CHD5: variants seen among roughly 807,000 people sequenced by gnomAD.
CHD5 encodes the protein ATP-dependent chromatin remodeler CHD5.
CHD5 carries 69 observed loss-of-function variants against 230.3 expected under a neutral mutation model. The ratio of observed to expected loss-of-function variants is 0.30; its 90% CI spans 0.25 to 0.37. The LOEUF is 0.37. Ranked by LOEUF, CHD5 falls within the 10% of genes least tolerant of loss-of-function variation. The pLI, the probability that CHD5 is intolerant of heterozygous loss-of-function variation, is 1.00. For missense variants in CHD5, 1,827 were observed against 2,622.8 expected, an observed-to-expected ratio of 0.70 and a Z score of 6.63; for synonymous variants, 1,064 against 1,065.9, an observed-to-expected ratio of 1.00 and a Z score of 0.03.
chr1:6,114,505 TAAAC>T (rs1666344635), intron 33 of CHD5, among the ~76,000 whole-genome samples: 1 of 126,788 alleles, frequency 7.9e-6, no homozygotes, highest in Non-Finnish European at 1.7e-5. Flanking sequence ...TATATACACA[TAAAC>T]ACACACACAC....
In CHD5 at chr1:6,112,152, C is replaced by T. The variant is rs769117837; in HGVS notation, c.5128G>A (p.Gly1710Arg). ...CCAACCCCAATACCCGTGAAGCCCC[C>T]GTCCGCGATGTTGAACATGAACTTG... Reference protein sequence around the residue: ...KFKFMFNIADGGFTELHTLWQ... With the variant: ...KFKFMFNIADRGFTELHTLWQ... Residue 1710 changes from glycine (G) to arginine (R), a missense_variant, in exon 35 of 42, where the codon GGG (glycine) becomes AGG (arginine). This residue lies in a region of CHD5 where 272 missense variants were observed against 263.2 expected (regional missense o/e 1.03). Transcript: ENST00000262450. 7 of 1,613,888 alleles carry T rather than the reference C, an allele frequency of 4.3e-6. No individual in the cohort carries two copies. Among genetic ancestry groups the T allele is most frequent in the Non-Finnish European group, 5.9e-6 (7 of 1,179,864 alleles).
At chr1:6,136,365 A>T in intron 17 of CHD5, 152 bp downstream of exon 17, 1 of 831,362 alleles carries the variant, frequency 1.2e-6, no homozygotes, top group Non-Finnish European at 1.9e-6. Context: ...CTCCTGCAGG[A>T]GGTCAAAGCG....
chr1:6,155,527 T>A lies in CHD5; in HGVS notation c.506+72A>T. On this transcript the variant is annotated intron_variant, in intron 4 of 41. Transcript: ENST00000262450. The surrounding 1 kb of genome is among the most constrained non-coding windows in gnomAD (Gnocchi z 4.0). ...ACCCCAGGTGCCGGGGCTTCACTCC[T>A]CTGCCTCCCTCCCGACTTGGTACCA... The A allele has an allele frequency of 7.3e-7, 1 of 1,363,436 alleles. No individual in the cohort carries two copies. Among genetic ancestry groups the A allele is most frequent in the South Asian group, 1.2e-5 (1 of 84,716 alleles). The allele number at this position is 1,363,436 out of a possible 1,614,324, so 84.5% of individuals were successfully genotyped here. A position where few individuals can be genotyped will look rare whatever the true frequency, so the allele number is the denominator to read the frequency against.
At chr1:6,161,124 GAGGGAGGGAGAAGGAAAGGAA>G (rs981994183) in intron 2 of CHD5, among the ~76,000 whole-genome samples, 3 of 152,210 alleles carry the variant, frequency 2.0e-5, no homozygotes, top group African/African-American at 7.2e-5. Context: ...AGGAAAGAGG[GAGGGAGGGAGAAGGAAAGGAA>G]AGGGTGGCAG....
intron 11 of CHD5, among the ~76,000 whole-genome samples, chr1:6,145,927 A>G (rs12734251): frequency 0.18 from 26,954 of 152,136 alleles, 2,922 homozygotes; most frequent in East Asian, 0.41. Flanking sequence ...TCTTGCTGGT[A>G]TCAAGCACTA....
Position 6,142,660 on chromosome 1 carries a change from A to G in CHD5, c.2044-55T>C. ...CCCAGATCCTGGGCCACCAGAGTCC[A>G]CACTACAGGCCTTTGCACATGCAAT... On this transcript the variant is annotated intron_variant, in intron 13 of 41. Transcript: ENST00000262450. The surrounding 1 kb of genome is among the most constrained non-coding windows in gnomAD (Gnocchi z 5.2). The G allele has an allele frequency of 2.6e-6, 4 of 1,552,490 alleles. No individual in the cohort carries two copies. Among genetic ancestry groups the G allele is most frequent in the Non-Finnish European group, 3.5e-6 (4 of 1,143,636 alleles).
chr1:6,113,978 G>C (rs890871861), intron 33 of CHD5, among the ~76,000 whole-genome samples: 1 of 152,166 alleles, frequency 6.6e-6, no homozygotes, highest in Non-Finnish European at 1.5e-5. Context: ...GGCCGGGCGC[G>C]GTGGCTCACG....
Position 6,111,688 on chromosome 1 carries a change from G to A in CHD5, c.5249+87C>T. On this transcript the variant is annotated intron_variant, in intron 36 of 41. Coordinates refer to ENST00000262450, the MANE Select transcript of CHD5 (RefSeq NM_015557.3). ...GGAAGATTGAGGAAGAACGAGGAAG[G>A]CTTCCCCCGGAGCTCTCAGAGGGCT... is the stretch of plus-strand genomic sequence containing the variant. 4 of 1,004,460 alleles carry A rather than the reference G, an allele frequency of 4.0e-6. No homozygotes were observed. In the South Asian group the frequency reaches 5.4e-5, roughly 14 times the overall value. 62.2% of individuals were successfully genotyped at this position (1,004,460 alleles called of 1,614,324 possible). A position where few individuals can be genotyped will look rare whatever the true frequency, so the allele number is the denominator to read the frequency against.
At chr1:6,124,448 C>A in intron 30 of CHD5, 69 bp downstream of exon 30, 1 of 1,556,470 alleles carries the variant, frequency 6.4e-7, no homozygotes, top group Non-Finnish European at 8.9e-7. Context: ...TGACCACTGA[C>A]CCACAAGGGA....
chr1:6,156,057 C>A (rs1289683995), intron 3 of CHD5, among the ~76,000 whole-genome samples: 1 of 152,198 alleles, frequency 6.6e-6, no homozygotes, highest in African/African-American at 2.4e-5. Context: ...TGAGACCAGG[C>A]CCCCATCCTG....
At position 6,133,722 on chromosome 1, in the gene CHD5, G is replaced by A. The variant is rs75967592; in HGVS notation, c.3144+406C>T. ...AGGAAGAAATGAACACACCTGAGCC[G>A]GCGGCCCTGCCTCCAAGCCAAAAAG... On this transcript the variant is annotated intron_variant, in intron 20 of 41. Coordinates refer to ENST00000262450, the MANE Select transcript of CHD5 (RefSeq NM_015557.3). Among the ~76,000 whole-genome samples, 1,098 of 152,340 alleles carry A rather than the reference G, an allele frequency of 7.2e-3. 11 individuals carry two copies. Among genetic ancestry groups the A allele is most frequent in the African/African-American group, 0.025 (1,045 of 41,572 alleles).
Position 6,180,274 on chromosome 1 carries a change from C to T in CHD5, c.-251G>A, listed in dbSNP as rs1349049170. Among the ~76,000 whole-genome samples, 5 of 151,098 alleles carry T rather than the reference C, an allele frequency of 3.3e-5. No homozygotes were observed. Among genetic ancestry groups the T allele is most frequent in the Middle Eastern group, 6.8e-3 (2 of 292 alleles). ...CCACCGCGCCCCGCAGCCCGAGTCC[C>T]GCAGCCGGCCGAGGGTGGCGGCGGC... On this transcript the variant is annotated 5_prime_UTR_variant, in exon 1 of 42. Transcript: ENST00000262450.
chr1:6,134,375 C>A lies in CHD5; in HGVS notation c.3013-116G>T. 1 of 1,275,604 alleles carries A rather than the reference C, an allele frequency of 7.8e-7. No individual in the cohort carries two copies. Among genetic ancestry groups the A allele is most frequent in the South Asian group, 1.3e-5 (1 of 74,640 alleles). 79.0% of individuals were successfully genotyped at this position (1,275,604 alleles called of 1,614,324 possible). A position where few individuals can be genotyped will look rare whatever the true frequency, so the allele number is the denominator to read the frequency against. Reference sequence around the variant, plus strand: ...GAGCAATGGGGTGATGGCCTGTCTGCCCACTGAACATGAGACCCACACCCG... The same window carrying A: ...GAGCAATGGGGTGATGGCCTGTCTGACCACTGAACATGAGACCCACACCCG... On this transcript the variant is annotated intron_variant, in intron 19 of 41. Transcript: ENST00000262450. This position sits in a 1 kb window ranked among gnomAD's most constrained non-coding sequence, Gnocchi z 6.3.
intron 11 of CHD5, among the ~76,000 whole-genome samples, chr1:6,144,947 G>T (rs1666888088): frequency 6.6e-6 from 1 of 152,246 alleles, no homozygotes; most frequent in African/African-American, 2.4e-5. Flanking sequence ...GAACAAATCT[G>T]GGGGAGATTC....
At position 6,146,653 on chromosome 1, in the gene CHD5, C is replaced by G; in HGVS notation, c.1590+12G>C. On this transcript the variant is annotated intron_variant, in intron 10 of 41. Transcript: ENST00000262450. This position sits in a 1 kb window ranked among gnomAD's most constrained non-coding sequence, Gnocchi z 5.1. Reference sequence around the variant, plus strand: ...CCCGGGCCTTAGCACAGCCACCCTCCCGGGCACTCACCTGTAGCTCCTTCA... The same window carrying G: ...CCCGGGCCTTAGCACAGCCACCCTCGCGGGCACTCACCTGTAGCTCCTTCA... 1 of 1,613,630 alleles carries G rather than the reference C, an allele frequency of 6.2e-7. No individual in the cohort carries two copies. The highest frequency in any genetic ancestry group is 8.5e-7 in the Non-Finnish European group (1 of 1,179,796).
chr1:6,115,032 G>C (rs1482421881), intron 33 of CHD5, among the ~76,000 whole-genome samples: 1 of 151,732 alleles, frequency 6.6e-6, no homozygotes, highest in Non-Finnish European at 1.5e-5. Flanking sequence ...AAAAGGGGGG[G>C]GCAGGCGCGG....
In CHD5 at chr1:6,146,919, C is replaced by T. The variant is rs1003364950; in HGVS notation, c.1384-48G>A. ...AAGGTGGGGCTCAGCTGCAGGGCCC[C>T]ACCCTGAGGCTCCCATGACAGCAGG... On this transcript the variant is annotated intron_variant, in intron 9 of 41. Transcript: ENST00000262450. The surrounding 1 kb of genome is among the most constrained non-coding windows in gnomAD (Gnocchi z 5.1). 8.7e-6 allele frequency: 12 copies of T among 1,379,304 alleles called. No homozygotes were observed. The highest frequency in any genetic ancestry group is 2.5e-5 in the East Asian group (1 of 39,894). The allele number at this position is 1,379,304 out of a possible 1,614,324, so 85.4% of individuals were successfully genotyped here.
chr1:6,152,617 T>A, intron 5 of CHD5, 81 bp from the exon 6 acceptor site: 1 of 1,598,496 alleles, frequency 6.3e-7, no homozygotes, highest in African/African-American at 1.3e-5. Context: ...GAGCTCTCGG[T>A]TACCCAATAA....
chr1:6,136,449 A>C, intron 17 of CHD5, 68 bp downstream of exon 17: 1 of 1,576,860 alleles, frequency 6.3e-7, no homozygotes, highest in Non-Finnish European at 8.7e-7. Context: ...AGGATGGGCT[A>C]TTGATCCGTC....
Sources: allele counts gnomAD v4.1 joint callset (sites outside exome capture counted in the v4.1 genomes callset), GRCh38; gene constraint gnomAD v4.1.1; regional missense constraint gnomAD v4.1.1; non-coding constraint Gnocchi (gnomAD v3.1); transcripts MANE v1.5; gene names NCBI Gene and HGNC (gene_info 2026-07-23, HGNC 2026-07-21).